Variants in CD99L2 observed in about 807,000 individuals in gnomAD.
The protein encoded by CD99L2 is CD99 antigen-like protein 2.
Under a neutral mutation model 27.3 loss-of-function variants are expected in CD99L2, and 24 were observed. That is an observed-to-expected ratio of 0.88 (90% CI 0.64 to 1.24). The LOEUF (loss-of-function observed/expected upper bound fraction) is 1.24, where lower values mean the gene tolerates loss of function less well. CD99L2 is among the 50% of genes most tolerant of loss of function. CD99L2 has a pLI of 0.00. For missense variants in CD99L2, 255 were observed against 221.6 expected (o/e 1.15, Z -0.96); for synonymous variants, 97 against 87.9 (o/e 1.10, Z -0.58).
intron 9 of CD99L2, among the ~76,000 whole-genome samples, chrX:150,774,950 G>A (rs1286979730): frequency 2.7e-5 from 3 of 112,274 alleles, no homozygotes; most frequent in South Asian, 3.7e-4. Flanking sequence ...CGGTGGGTCC[G>A]TGGGATCTCA....
At chrX:150,872,854 A>G (rs1164012840) in intron 1 of CD99L2, among the ~76,000 whole-genome samples, 3 of 112,134 alleles carry the variant, frequency 2.7e-5, no homozygotes, top group African/African-American at 9.7e-5. Flanking sequence ...AAAGCTCAGC[A>G]AACAGTAGAG....
chrX:150,783,267 G>A (rs781987474), intron 7 of CD99L2, among the ~76,000 whole-genome samples: 5 of 111,200 alleles, frequency 4.5e-5, no homozygotes, highest in East Asian at 5.7e-4. Context: ...AAACCTGCAC[G>A]TTCTGCACAT....
chrX:150,837,665 G>C (rs576630273), intron 1 of CD99L2, among the ~76,000 whole-genome samples: 15 of 112,400 alleles, frequency 1.3e-4, no homozygotes, highest in African/African-American at 4.8e-4. Flanking sequence ...TTTCAGGACG[G>C]ATATTAGCTG....
chrX:150,850,915 G>T (rs1557421581), intron 1 of CD99L2, among the ~76,000 whole-genome samples: 1 of 110,788 alleles, frequency 9.0e-6, no homozygotes, highest in Admixed American at 9.5e-5. Context: ...TCAGCTCACC[G>T]CAACCTCTGC....
chrX:150,769,684 A>AATGAGGAGGT (rs1654585068), intron 10 of CD99L2, among the ~76,000 whole-genome samples: 8 of 91,510 alleles, frequency 8.7e-5, no homozygotes, highest in Middle Eastern at 9.8e-3. Flanking sequence ...TGCCTGCGCC[A>AATGAGGAGGT]CCAGGCCTCG....
At chrX:150,845,574 T>C (rs1239349793) in intron 1 of CD99L2, among the ~76,000 whole-genome samples, 1 of 110,602 alleles carries the variant, frequency 9.0e-6, no homozygotes, top group Admixed American at 9.7e-5. Flanking sequence ...CAGTGGTTAA[T>C]CATTAGGTAG....
chrX:150,872,065 T>C (rs1033020627), intron 1 of CD99L2, among the ~76,000 whole-genome samples: 2 of 110,511 alleles, frequency 1.8e-5, no homozygotes, highest in South Asian at 4.0e-4. Context: ...ACCCTGTCTC[T>C]ACAAAAAAGT....
intron 2 of CD99L2, among the ~76,000 whole-genome samples, chrX:150,830,795 A>ATTTCT (rs782296915): frequency 9.1e-5 from 10 of 110,438 alleles, no homozygotes; most frequent in East Asian, 5.7e-4. Flanking sequence ...TAATACAACC[A>ATTTCT]TTTCTTTTCT....
chrX:150,784,143 G>A (rs1261959335), intron 7 of CD99L2, among the ~76,000 whole-genome samples: 11 of 110,685 alleles, frequency 9.9e-5, no homozygotes, highest in Non-Finnish European at 2.1e-4. Context: ...GCAGCAAATG[G>A]CCTCTTTCCC....
chrX:150,783,759 A>C (rs2045552005), intron 7 of CD99L2, among the ~76,000 whole-genome samples: 1 of 112,167 alleles, frequency 8.9e-6, no homozygotes, highest in Admixed American at 9.4e-5. Flanking sequence ...TGGTGATCCA[A>C]AAAAAGGAAT....
chrX:150,894,371 GA>G (rs2047570606), intron 1 of CD99L2, among the ~76,000 whole-genome samples: 1 of 111,893 alleles, frequency 8.9e-6, no homozygotes, highest in South Asian at 3.7e-4. Flanking sequence ...CCATGAGGTA[GA>G]TAGTGTTGTT....
chrX:150,839,339 G>A (rs893091891), intron 1 of CD99L2, among the ~76,000 whole-genome samples: 3 of 111,561 alleles, frequency 2.7e-5, no homozygotes, highest in African/African-American at 9.8e-5. Context: ...AAAGTAGTGA[G>A]AGCCTGCAAT....
intron 2 of CD99L2, among the ~76,000 whole-genome samples, chrX:150,824,149 GA>G (rs1557420762): frequency 1.0e-4 from 3 of 29,441 alleles, no homozygotes; most frequent in Admixed American, 4.3e-4. Flanking sequence ...GGAGAAGAAG[GA>G]AGGAGGAGGA....
At chrX:150,852,101 C>T (rs2046801568) in intron 1 of CD99L2, among the ~76,000 whole-genome samples, 1 of 111,948 alleles carries the variant, frequency 8.9e-6, no homozygotes, top group Non-Finnish European at 1.9e-5. Context: ...ATCATTACTC[C>T]AGAGTGAAAA....
intron 7 of CD99L2, among the ~76,000 whole-genome samples, chrX:150,781,285 T>A (rs1373931227): frequency 8.9e-6 from 1 of 112,323 alleles, no homozygotes; most frequent in African/African-American, 3.2e-5. Context: ...AAATCACAAA[T>A]ATTTACAAAT....
At chrX:150,777,054 A>G in intron 8 of CD99L2, 1 of 213,085 alleles carries the variant, frequency 4.7e-6, no homozygotes, top group Non-Finnish European at 8.3e-6. Context: ...TGAATACACA[A>G]TTTTGTCTGG....
chrX:150,772,414 C>T lies in CD99L2; in HGVS notation c.656-2045G>A, dbSNP rs782614509. ...CAGGGCGAGAGGAGCTAGGTCAGGA[C>T]GGGGGACAGCAGAGGCCCGGGATGG... On this transcript the variant is annotated intron_variant, in intron 9 of 10. Transcript: ENST00000370377. Among the ~76,000 whole-genome samples, 108 of 112,489 alleles carry T rather than the reference C, an allele frequency of 9.6e-4. 1 individual carries two copies. Among genetic ancestry groups the T allele is most frequent in the African/African-American group, 3.2e-3 (98 of 30,966 alleles).
intron 1 of CD99L2, among the ~76,000 whole-genome samples, chrX:150,892,641 A>G (rs61508171): frequency 0.03 from 3,100 of 104,620 alleles, 143 homozygotes; most frequent in African/African-American, 0.1. Context: ...AGAACAGAAC[A>G]GGAAAGTCGA....
In CD99L2 at chrX:150,870,780, C is replaced by T. The variant is rs2047144410; in HGVS notation, c.67+27742G>A. 2.7e-5 allele frequency among the ~76,000 whole-genome samples: 3 copies of T among 110,605 alleles called. No individual in the cohort carries two copies. In the East Asian group the frequency reaches 8.6e-4, roughly 32 times the overall value. On this transcript the variant is annotated intron_variant, in intron 1 of 10. Transcript: ENST00000370377. ...CACTGCACCCCCCCATCCTAGCAGC[C>T]CCAGAATCCCTAACTCTCTTGGGAG...
Sources: gnomAD v4.1 joint callset for allele counts (sites outside exome capture counted in the v4.1 genomes callset) on GRCh38, gnomAD v4.1.1 for gene constraint, MANE v1.5 for transcripts, NCBI Gene and HGNC (gene_info 2026-07-23, HGNC 2026-07-21) for gene names.